Variants in MLC1 observed in about 807,000 individuals in gnomAD.
MLC1 encodes the protein membrane protein MLC1.
MLC1 carries 32 observed loss-of-function variants against 44.7 expected under a neutral mutation model. The observed-to-expected ratio is 0.72, with a 90% CI of 0.54 to 0.96. The LOEUF is 0.96. MLC1 is among the 40% of genes least tolerant of loss of function. MLC1 has a pLI of 0.00. For missense variants in MLC1, 459 were observed against 492.2 expected, an observed-to-expected ratio of 0.93 and a Z score of 0.64; for synonymous variants, 190 against 213.0, an observed-to-expected ratio of 0.89 and a Z score of 0.94.
At chr22:50,064,508 A>G (rs1308024717) in intron 10 of MLC1, among the ~76,000 whole-genome samples, 1 of 152,142 alleles carries the variant, frequency 6.6e-6, no homozygotes, top group East Asian at 1.9e-4. Context: ...CTCCTGCTCC[A>G]ACACGCGCAA....
intron 3 of MLC1, among the ~76,000 whole-genome samples, chr22:50,081,009 A>AAAAG (rs757266134): frequency 0.041 from 3,957 of 96,786 alleles, 145 homozygotes; most frequent in Middle Eastern, 0.068. Flanking sequence ...TTGTCTCAAA[A>AAAAG]AAAGAAAGAA....
chr22:50,074,981 G>A (rs913403654), intron 7 of MLC1, among the ~76,000 whole-genome samples: 1 of 152,242 alleles, frequency 6.6e-6, no homozygotes, highest in African/African-American at 2.4e-5. Context: ...CTGCTATACT[G>A]CCACTGCAAA....
intron 11 of MLC1, 62 bp from the exon 12 acceptor site, chr22:50,061,719 C>T: frequency 6.7e-7 from 1 of 1,482,358 alleles, no homozygotes; most frequent in African/African-American, 1.4e-5. Context: ...GGAAGGTGGA[C>T]ACGCCACTCG....
intron 6 of MLC1, among the ~76,000 whole-genome samples, 156 bp from the exon 7 acceptor site, chr22:50,077,068 T>C (rs2062001965): frequency 6.6e-6 from 1 of 152,130 alleles, no homozygotes; most frequent in Admixed American, 6.5e-5. Flanking sequence ...CTTGAGGAAA[T>C]GTTCACACAC....
chr22:50,065,867 G>A (rs1361784802), intron 10 of MLC1, among the ~76,000 whole-genome samples: 2 of 152,220 alleles, frequency 1.3e-5, no homozygotes, highest in African/African-American at 4.8e-5. Context: ...AGGAAGATGC[G>A]TGCAGGTTGT....
chr22:50,068,399 T>C, intron 10 of MLC1, 34 bp downstream of exon 10: 1 of 1,608,930 alleles, frequency 6.2e-7, no homozygotes, highest in Non-Finnish European at 8.5e-7. Context: ...GAGCACCACA[T>C]GTCTGGGGGG....
rs1406536853 is a variant in MLC1 at position 50,060,599 on chromosome 22, G to C, written c.*984C>G. 6.5e-6 allele frequency: 1 copy of C among 152,734 alleles called. No homozygotes were observed. Among genetic ancestry groups the C allele is most frequent in the African/African-American group, 2.4e-5 (1 of 41,454 alleles). 9.5% of individuals were successfully genotyped at this position (152,734 alleles called of 1,614,324 possible). ...AATGGGAGCAAACACAGGAGGGAGGGGCTCAGCTTCCCCCGGTCACTGGGG... is the reference window on the plus strand; with the variant it reads ...AATGGGAGCAAACACAGGAGGGAGGCGCTCAGCTTCCCCCGGTCACTGGGG... On this transcript the variant is annotated 3_prime_UTR_variant, in exon 12 of 12. Coordinates refer to ENST00000311597, the MANE Select transcript of MLC1 (RefSeq NM_015166.4).
chr22:50,071,314 A>G (rs1193977068), intron 8 of MLC1, among the ~76,000 whole-genome samples: 1 of 151,112 alleles, frequency 6.6e-6, no homozygotes, highest in Non-Finnish European at 1.5e-5. Flanking sequence ...CTGGTCTCGA[A>G]CTCCTGACCT....
At chr22:50,084,582 G>A (rs916905427) in intron 2 of MLC1, 144 bp downstream of exon 2, 29 of 905,182 alleles carry the variant, frequency 3.2e-5, no homozygotes, top group South Asian at 2.8e-4. Flanking sequence ...AAACAAGCTC[G>A]TCGGCATCCA....
intron 8 of MLC1, chr22:50,072,965 G>T (rs1387394966): frequency 1.3e-5 from 2 of 152,474 alleles, no homozygotes; most frequent in Non-Finnish European, 2.9e-5. Context: ...CCCCCACAGG[G>T]AGCTGAAACA....
At chr22:50,072,325 C>G (rs1266320272) in intron 8 of MLC1, among the ~76,000 whole-genome samples, 1 of 152,242 alleles carries the variant, frequency 6.6e-6, no homozygotes, top group South Asian at 2.1e-4. Flanking sequence ...ACTCCAGCCC[C>G]GAGCACCTGC....
intron 10 of MLC1, among the ~76,000 whole-genome samples, chr22:50,067,779 T>C (rs1601991037): frequency 1.6e-5 from 1 of 62,176 alleles, no homozygotes; most frequent in Non-Finnish European, 3.0e-5. Context: ...CCATCCCCCA[T>C]CAGACAGTGA....
chr22:50,066,997 G>C (rs2061716318), intron 10 of MLC1, among the ~76,000 whole-genome samples: 1 of 152,176 alleles, frequency 6.6e-6, no homozygotes, highest in South Asian at 2.1e-4. Context: ...CCTGCTAGCA[G>C]AATGCATGCT....
chr22:50,083,701 C>T lies in MLC1; in HGVS notation c.178-528G>A, dbSNP rs2062206907. Among the ~76,000 whole-genome samples the T allele has an allele frequency of 6.6e-6, 1 of 152,154 alleles. No homozygotes were observed. Among genetic ancestry groups the T allele is most frequent in the African/African-American group, 2.4e-5 (1 of 41,446 alleles). On this transcript the variant is annotated intron_variant, in intron 2 of 11. Coordinates refer to ENST00000311597, the MANE Select transcript of MLC1 (RefSeq NM_015166.4). The surrounding 1 kb of genome is among the most constrained non-coding windows in gnomAD (Gnocchi z 4.6). Reference sequence around the variant, plus strand: ...CAGGGAGGGTGCTCTCTCTCACGCACAGCACTGCAGGGGTGCGGTGGGGAG... The same window carrying T: ...CAGGGAGGGTGCTCTCTCTCACGCATAGCACTGCAGGGGTGCGGTGGGGAG...
chr22:50,085,492 G>A (rs2062258816), upstream of MLC1: 1 of 168,386 alleles, frequency 5.9e-6, no homozygotes, highest in African/African-American at 2.4e-5. Flanking sequence ...GAATATCAAT[G>A]AGGGGAGGAA....
intron 10 of MLC1, among the ~76,000 whole-genome samples, chr22:50,065,491 C>T (rs748862726): frequency 3.9e-5 from 6 of 152,344 alleles, no homozygotes; most frequent in Middle Eastern, 3.4e-3. Flanking sequence ...GCTGAGACCA[C>T]CATTTGTATC....
At position 50,080,002 on chromosome 22, in the gene MLC1, T is replaced by C. The variant is rs914830015; in HGVS notation, c.339A>G (p.Ile113Met). 2.5e-6 allele frequency: 4 copies of C among 1,613,854 alleles called. No individual in the cohort carries two copies. Among genetic ancestry groups the C allele is most frequent in the Non-Finnish European group, 3.4e-6 (4 of 1,179,726 alleles). Residue 113 changes from isoleucine (I) to methionine (M), a missense_variant, in exon 5 of 12, where the codon ATA (isoleucine) becomes ATG (methionine). By Grantham distance (10) the Ile-to-Met change is conservative. Coordinates refer to ENST00000311597, the MANE Select transcript of MLC1 (RefSeq NM_015166.4). ...TCACAGCAAACGTGGAAACAAACAA[T>C]ATCTGAAAGTTGGGAATCTGAAAAA... ...RNANVIPNFQILFVSTFAVTT... is the reference protein window; with the variant it reads ...RNANVIPNFQMLFVSTFAVTT...
chr22:50,085,124 C>T, intron 1 of MLC1, 163 bp from the exon 2 acceptor site: 2 of 1,420,592 alleles, frequency 1.4e-6, no homozygotes, highest in Middle Eastern at 2.6e-4. Context: ...AAATAACTTT[C>T]CTAGAAAAAC....
At chr22:50,077,858 TGAGAACATAA>T (rs1569249068) in intron 5 of MLC1, among the ~76,000 whole-genome samples, 1 of 152,186 alleles carries the variant, frequency 6.6e-6, no homozygotes, top group African/African-American at 2.4e-5. Context: ...TGTCAAGCAC[TGAGAACATAA>T]GGTTTTTTGG....
Sources: gnomAD v4.1 joint callset for allele counts (sites outside exome capture counted in the v4.1 genomes callset) on GRCh38, gnomAD v4.1.1 for gene constraint, Gnocchi (gnomAD v3.1) non-coding constraint, MANE v1.5 for transcripts, NCBI Gene and HGNC (gene_info 2026-07-23, HGNC 2026-07-21) for gene names.